Variants in TIGAR observed in about 807,000 individuals in gnomAD.
TIGAR encodes the protein fructose-2,6-bisphosphatase TIGAR.
TIGAR carries 7 observed loss-of-function variants against 17.9 expected under a neutral mutation model. That is an observed-to-expected ratio of 0.39 (90% CI 0.22 to 0.73). The LOEUF is 0.73. Ranked by LOEUF, TIGAR falls within the 30% of genes least tolerant of loss-of-function variation. The pLI, the probability that TIGAR is intolerant of heterozygous loss-of-function variation, is 0.42. For missense variants in TIGAR, 258 were observed against 327.4 expected (o/e 0.79, Z 1.64); for synonymous variants, 94 against 108.6 (o/e 0.87, Z 0.84).
chr12:4,332,945 G>A (rs1417618072), intron 2 of TIGAR, among the ~76,000 whole-genome samples: 3 of 152,084 alleles, frequency 2.0e-5, no homozygotes, highest in African/African-American at 7.2e-5. Flanking sequence ...TGGCCAGTTT[G>A]CCCTTTAATA....
chr12:4,352,319 G>A lies in TIGAR; in HGVS notation c.441G>A (p.Ala147=), dbSNP rs7133330. The change falls in exon 6 of 6, where the codon GCG becomes GCA. Residue 147 remains alanine (A), a synonymous_variant. Coordinates refer to ENST00000179259, the MANE Select transcript of TIGAR (RefSeq NM_020375.3). ...EFLCQLILKE[A]DQKEQFSQGS... Reference sequence around the variant, plus strand: ...TTTGTCAACTAATCCTGAAAGAAGCGGATCAAAAAGAACAGTTTTCCCAAG... The same window carrying A: ...TTTGTCAACTAATCCTGAAAGAAGCAGATCAAAAAGAACAGTTTTCCCAAG... 401,859 of 1,613,436 alleles carry A rather than the reference G, an allele frequency of 0.25. 52,342 individuals are homozygous for A. The highest frequency in any genetic ancestry group is 0.26 in the Non-Finnish European group (310,819 of 1,179,582).
At chr12:4,331,387 T>A (rs563812892) in intron 2 of TIGAR, 70 bp downstream of exon 2, 3 of 1,480,082 alleles carry the variant, frequency 2.0e-6, no homozygotes, top group South Asian at 2.3e-5. Flanking sequence ...TAAGCAGATT[T>A]GGTGGGGTGG....
chr12:4,349,771 A>G (rs754706682), intron 3 of TIGAR, 48 bp from the exon 4 acceptor site: 7 of 1,414,350 alleles, frequency 4.9e-6, no homozygotes, highest in Middle Eastern at 1.8e-4. Flanking sequence ...CTTCCACCAG[A>G]ATGGTGATTA....
chr12:4,338,753 G>A (rs1262601202), intron 3 of TIGAR, among the ~76,000 whole-genome samples: 1 of 151,948 alleles, frequency 6.6e-6, no homozygotes, highest in African/African-American at 2.4e-5. Context: ...CGAGATGGGA[G>A]GATTGCCTGA....
Position 4,331,292 on chromosome 12 carries a change from A to G in TIGAR, c.45A>G (p.Arg15=), listed in dbSNP as rs1317273229. 1 of 1,610,030 alleles carries G rather than the reference A, an allele frequency of 6.2e-7. No individual in the cohort carries two copies. The highest frequency in any genetic ancestry group is 1.3e-5 in the African/African-American group (1 of 74,966). Residue 15 remains arginine (R), a synonymous_variant, in exon 2 of 6, where the codon AGA becomes AGG. Transcript: ENST00000179259. The part of the protein sequence containing the change: ...ALTVVRHGET[R]FNKEKIIQGQ... ...CTTTCTATTTTAGTGGAGAAACAAG[A>G]TTTAACAAGGAGAAAATAATCCAAG...
chr12:4,331,566 G>A (rs1216004911), intron 2 of TIGAR, among the ~76,000 whole-genome samples: 2 of 152,112 alleles, frequency 1.3e-5, no homozygotes, highest in East Asian at 3.8e-4. Flanking sequence ...CTTCAAAGTG[G>A]CTCTGTCAGC....
At chr12:4,344,458 T>A (rs1009548860) in intron 3 of TIGAR, among the ~76,000 whole-genome samples, 1 of 152,174 alleles carries the variant, frequency 6.6e-6, no homozygotes, top group Non-Finnish European at 1.5e-5. Flanking sequence ...CTGATGAACA[T>A]TGATGCAAAA....
At chr12:4,335,777 C>T (rs1297903811) in intron 2 of TIGAR, 1 of 152,210 alleles carries the variant, frequency 6.6e-6, no homozygotes, top group Non-Finnish European at 1.5e-5. Flanking sequence ...CTGAGCTATG[C>T]TCTATCTCCT....
intron 3 of TIGAR, among the ~76,000 whole-genome samples, chr12:4,348,803 G>A (rs971078723): frequency 2.6e-5 from 4 of 152,066 alleles, no homozygotes; most frequent in Admixed American, 6.5e-5. Flanking sequence ...TGACAGGGTC[G>A]CTTGTCAATC....
rs4026708 is a variant in TIGAR at position 4,358,103 on chromosome 12, C to CA, written c.*5430dup. Among the ~76,000 whole-genome samples, 15,240 of 123,128 alleles carry CA rather than the reference C, an allele frequency of 0.12. 1,022 individuals are homozygous for CA. Among genetic ancestry groups the CA allele is most frequent in the Middle Eastern group, 0.14 (34 of 240 alleles). 80.8% of individuals were successfully genotyped at this position (123,128 alleles called of 152,430 possible). A position where few individuals can be genotyped will look rare whatever the true frequency, so the allele number is the denominator to read the frequency against. On this transcript the variant is annotated 3_prime_UTR_variant, in exon 6 of 6. Transcript: ENST00000179259. ...TGGGTGACAGAGCAAGACTGGGTCTCAAAAAAAAAAAAAAAAAATCATTTG... is the reference window on the plus strand; with the variant it reads ...TGGGTGACAGAGCAAGACTGGGTCTCAAAAAAAAAAAAAAAAAAATCATTTG...
intron 1 of TIGAR, among the ~76,000 whole-genome samples, chr12:4,328,310 G>T (rs1467535835): frequency 1.3e-5 from 2 of 151,740 alleles, no homozygotes; most frequent in Non-Finnish European, 2.9e-5. Flanking sequence ...TCCTGCCTCA[G>T]CCTCCCGAAT....
intron 3 of TIGAR, among the ~76,000 whole-genome samples, chr12:4,344,465 A>G (rs866407511): frequency 5.3e-5 from 8 of 152,212 alleles, no homozygotes; most frequent in African/African-American, 1.2e-4. Context: ...ACATTGATGC[A>G]AAAATCCTCA....
chr12:4,356,189 G>A lies in TIGAR; in HGVS notation c.*3498G>A, dbSNP rs1458985417. ...GGCAGCACTGGCTGTTGGGCCATTT[G>A]AAGAAGCAAGGCCAGGGATGTTGGC... On this transcript the variant is annotated 3_prime_UTR_variant, in exon 6 of 6. Coordinates refer to ENST00000179259, the MANE Select transcript of TIGAR (RefSeq NM_020375.3). Among the ~76,000 whole-genome samples, 1 of 152,178 alleles carries A rather than the reference G, an allele frequency of 6.6e-6. No homozygotes were observed. The highest frequency in any genetic ancestry group is 1.5e-5 in the Non-Finnish European group (1 of 68,030).
rs1284142858 is a variant in TIGAR, at chr12:4,356,501, C to T, written c.*3810C>T. 2.0e-5 allele frequency among the ~76,000 whole-genome samples: 3 copies of T among 152,260 alleles called. No individual in the cohort carries two copies. The East Asian group carries it at 5.8e-4, about 29-fold the overall frequency. ...CCCATCTATCCCCTGCCCCTACACACGCATTGCTTCTCCTACTATCAACAT... is the reference window on the plus strand; with the variant it reads ...CCCATCTATCCCCTGCCCCTACACATGCATTGCTTCTCCTACTATCAACAT... On this transcript the variant is annotated 3_prime_UTR_variant, in exon 6 of 6. Transcript: ENST00000179259.
intron 3 of TIGAR, among the ~76,000 whole-genome samples, chr12:4,341,512 A>C (rs1031323113): frequency 4.6e-5 from 7 of 152,312 alleles, no homozygotes; most frequent in African/African-American, 1.7e-4. Context: ...CTGACACCTC[A>C]CACGGCCGGG....
rs565450112 is a variant in TIGAR, at chr12:4,324,436, A to G, written c.32+3133A>G. 89 of 1,515,704 alleles carry G rather than the reference A, an allele frequency of 5.9e-5. No homozygotes were observed. In the East Asian group the frequency reaches 1.9e-3, roughly 32 times the overall value. 93.9% of individuals were successfully genotyped at this position (1,515,704 alleles called of 1,614,324 possible). A position where few individuals can be genotyped will look rare whatever the true frequency, so the allele number is the denominator to read the frequency against. On this transcript the variant is annotated intron_variant, in intron 1 of 5. Coordinates refer to ENST00000179259, the MANE Select transcript of TIGAR (RefSeq NM_020375.3). ...GATGCCGGGCCGGCAGTGCTTCACC[A>G]GCTTATAGGTGATGGAGAACTCGCC... is the stretch of plus-strand genomic sequence containing the variant.
intron 2 of TIGAR, among the ~76,000 whole-genome samples, chr12:4,333,053 G>A (rs1355689493): frequency 6.6e-6 from 1 of 152,140 alleles, no homozygotes; most frequent in Non-Finnish European, 1.5e-5. Context: ...TACATCTTCT[G>A]AGTAAATTGG....
chr12:4,355,076 C>T lies in TIGAR; in HGVS notation c.*2385C>T, dbSNP rs1411698179. 6.6e-6 allele frequency among the ~76,000 whole-genome samples: 1 copy of T among 151,926 alleles called. No individual in the cohort carries two copies. Among genetic ancestry groups the T allele is most frequent in the African/African-American group, 2.4e-5 (1 of 41,352 alleles). On this transcript the variant is annotated 3_prime_UTR_variant, in exon 6 of 6. Transcript: ENST00000179259. ...TGTGTTCTTAATTTTTAAGACAAAC[C>T]AATATACCTTATCCTTTATGGGGTT...
Position 4,324,384 on chromosome 12 carries a change from G to A in TIGAR, c.32+3081G>A, listed in dbSNP as rs972562126. 9.2e-5 allele frequency: 104 copies of A among 1,135,288 alleles called. No homozygotes were observed. The African/African-American group carries it at 1.3e-3, about 14-fold the overall frequency. 70.3% of individuals were successfully genotyped at this position (1,135,288 alleles called of 1,614,324 possible). ...ATTAGCTGAGCCACTACTTGAGGGG[G>A]ATGAAGCGGGAGGAGTGGGTGGCCC... On this transcript the variant is annotated intron_variant, in intron 1 of 5. Coordinates refer to ENST00000179259, the MANE Select transcript of TIGAR (RefSeq NM_020375.3).
Sources: gnomAD v4.1 joint callset for allele counts (sites outside exome capture counted in the v4.1 genomes callset) on GRCh38, gnomAD v4.1.1 for gene constraint, MANE v1.5 for transcripts, NCBI Gene and HGNC (gene_info 2026-07-23, HGNC 2026-07-21) for gene names.